Variants in RBFOX1 observed in about 807,000 individuals in gnomAD.
RBFOX1 encodes the protein RNA binding fox-1 homolog 1.
Under a neutral mutation model 57.7 loss-of-function variants are expected in RBFOX1, and 8 were observed. The observed-to-expected ratio is 0.14, with a 90% CI of 0.08 to 0.25. The LOEUF is 0.25. Among genes scored for constraint, RBFOX1 ranks in the 10% least tolerant of loss-of-function variants. RBFOX1 has a pLI of 1.00. For synonymous variants in RBFOX1, 326 were observed against 222.4 expected, an observed-to-expected ratio of 1.47 and a Z score of -4.15; for missense variants, 611 against 548.5, an observed-to-expected ratio of 1.11 and a Z score of -1.14.
rs1040318099 is a variant in RBFOX1, at chr16:7,654,024, G to C, written c.890+77G>C. 5.7e-6 allele frequency: 8 copies of C among 1,410,154 alleles called. No homozygotes were observed. The African/African-American group carries it at 1.0e-4, about 18-fold the overall frequency. 87.4% of individuals were successfully genotyped at this position (1,410,154 alleles called of 1,614,324 possible). A position where few individuals can be genotyped will look rare whatever the true frequency, so the allele number is the denominator to read the frequency against. ...CAGAGGCACGGAGCTGTTTGCGAGC[G>C]CATGATGGTCTTGACTCCCCCTCCG... On this transcript the variant is annotated intron_variant, in intron 12 of 15. Coordinates refer to ENST00000550418, the MANE Select transcript of RBFOX1 (RefSeq NM_018723.4).
chr16:7,313,113 TC>T (rs1401070347), intron 4 of RBFOX1, among the ~76,000 whole-genome samples: 1 of 152,172 alleles, frequency 6.6e-6, no homozygotes, highest in African/African-American at 2.4e-5. Flanking sequence ...TCACTCTTCA[TC>T]CGGGCCACTC....
Position 5,365,879 on chromosome 16 carries a change from T to C in RBFOX1, c.220-101337T>C, listed in dbSNP as rs900362261. The C allele has an allele frequency of 1.2e-5, 6 of 508,346 alleles. No homozygotes were observed. In the Admixed American group the frequency reaches 1.2e-4, roughly 10 times the overall value. 31.5% of individuals were successfully genotyped at this position (508,346 alleles called of 1,614,324 possible). ...GGTGTGAACTCAAGGCTGACAAAGATGATCACTTCAAGGTGGATAATGATG... is the reference window on the plus strand; with the variant it reads ...GGTGTGAACTCAAGGCTGACAAAGACGATCACTTCAAGGTGGATAATGATG... On this transcript the variant is annotated intron_variant, in intron 1 of 2. Coordinates refer to the RBFOX1 transcript ENST00000585867.
intron 2 of RBFOX1, among the ~76,000 whole-genome samples, chr16:6,522,213 A>G (rs575702687): frequency 1.3e-5 from 2 of 149,988 alleles, no homozygotes; most frequent in African/African-American, 2.5e-5. Context: ...AATTAGGATG[A>G]ACATTTTATG....
At chr16:6,640,803 G>A (rs769622858) in intron 2 of RBFOX1, among the ~76,000 whole-genome samples, 58 of 152,002 alleles carry the variant, frequency 3.8e-4, no homozygotes, top group Non-Finnish European at 7.6e-4. Context: ...ACCAGAATAC[G>A]TTCTCTGGGC....
chr16:6,753,211 G>C (rs1057494534), intron 3 of RBFOX1, among the ~76,000 whole-genome samples: 3 of 152,184 alleles, frequency 2.0e-5, no homozygotes, highest in African/African-American at 7.2e-5. Flanking sequence ...GAGAGGGATG[G>C]ACAGATGGAA....
intron 3 of RBFOX1, among the ~76,000 whole-genome samples, chr16:6,824,520 T>A (rs941684732): frequency 6.6e-6 from 1 of 152,174 alleles, no homozygotes. Context: ...TTTTTAAAAA[T>A]TAACATGTTG....
chr16:6,766,262 A>G (rs1039923420), intron 3 of RBFOX1, among the ~76,000 whole-genome samples: 1 of 152,324 alleles, frequency 6.6e-6, no homozygotes, highest in African/African-American at 2.4e-5. Flanking sequence ...GTTTTTATAC[A>G]GCTCTTTATC....
chr16:6,345,596 C>T (rs979849448), intron 2 of RBFOX1, among the ~76,000 whole-genome samples: 1 of 152,162 alleles, frequency 6.6e-6, no homozygotes, highest in African/African-American at 2.4e-5. Context: ...ATCCTTTATA[C>T]TTACTCGGTC....
At chr16:6,933,776 A>G (rs1257214436) in intron 3 of RBFOX1, among the ~76,000 whole-genome samples, 1 of 152,158 alleles carries the variant, frequency 6.6e-6, no homozygotes, top group Non-Finnish European at 1.5e-5. Flanking sequence ...TGGTCAGAAC[A>G]TTTTCCAAAC....
intron 1 of RBFOX1, among the ~76,000 whole-genome samples, chr16:5,436,146 T>C (rs933727286): frequency 2.6e-5 from 4 of 152,186 alleles, no homozygotes; most frequent in Non-Finnish European, 5.9e-5. Context: ...GAGACACCCA[T>C]TGCTCCCTCA....
At chr16:6,613,688 A>C (rs1053566529) in intron 2 of RBFOX1, among the ~76,000 whole-genome samples, 7 of 152,208 alleles carry the variant, frequency 4.6e-5, no homozygotes, top group Non-Finnish European at 1.0e-4. Flanking sequence ...TTTTTAAAAA[A>C]GGTAGATAAG....
upstream of RBFOX1, among the ~76,000 whole-genome samples, chr16:6,016,163 A>G (rs1287601557): frequency 1.3e-5 from 2 of 152,232 alleles, no homozygotes; most frequent in Non-Finnish European, 2.9e-5. Flanking sequence ...TTAGTTTAAT[A>G]GAAGAGAACA....
In RBFOX1 at chr16:5,424,964, CTCTT is replaced by C. The variant is rs1317746840; in HGVS notation, c.220-42238_220-42235del. On this transcript the variant is annotated intron_variant, in intron 1 of 2. Transcript: ENST00000585867. The stretch of plus-strand genomic sequence containing the variant: ...CTCTTCTTTCTTCCTTTGTTTCTTT[CTCTT>C]TCTTTCTTTCTTTTCTTTTCTTTTC... Among the ~76,000 whole-genome samples the C allele has an allele frequency of 3.2e-3, 147 of 46,276 alleles. 8 individuals carry two copies. The highest frequency in any genetic ancestry group is 7.9e-3 in the African/African-American group (80 of 10,120). The allele number at this position is 46,276 out of a possible 152,430, so 30.4% of individuals were successfully genotyped here.
chr16:7,680,453 T>TC (rs2074444482), intron 14 of RBFOX1, among the ~76,000 whole-genome samples: 1 of 152,118 alleles, frequency 6.6e-6, no homozygotes, highest in Non-Finnish European at 1.5e-5. Flanking sequence ...AAAATGTCCC[T>TC]CCACGTCAGG....
chr16:7,700,904 A>G (rs1373775426), intron 14 of RBFOX1, among the ~76,000 whole-genome samples: 1 of 152,112 alleles, frequency 6.6e-6, no homozygotes. Context: ...CCATGGGTAA[A>G]TGGTCTGAGT....
chr16:6,853,071 G>A (rs2094155674), intron 3 of RBFOX1, among the ~76,000 whole-genome samples: 1 of 152,144 alleles, frequency 6.6e-6, no homozygotes, highest in Non-Finnish European at 1.5e-5. Flanking sequence ...AGCCTCTGGT[G>A]TTACCCTTCA....
At chr16:5,689,915 G>A (rs979520261) in intron 3 of RBFOX1, among the ~76,000 whole-genome samples, 1 of 152,166 alleles carries the variant, frequency 6.6e-6, no homozygotes, top group African/African-American at 2.4e-5. Flanking sequence ...AGTCTAGGAA[G>A]GTCTCTCTGA....
chr16:7,142,518 C>G (rs1045850702), intron 4 of RBFOX1, among the ~76,000 whole-genome samples: 1 of 152,160 alleles, frequency 6.6e-6, no homozygotes, highest in Non-Finnish European at 1.5e-5. Flanking sequence ...TGTATGGGCT[C>G]TTCCCTATAC....
chr16:7,171,094 G>C (rs974289755), intron 4 of RBFOX1, among the ~76,000 whole-genome samples: 1 of 152,160 alleles, frequency 6.6e-6, no homozygotes, highest in Non-Finnish European at 1.5e-5. Context: ...CTCCATCCCA[G>C]CTTTCTTCCC....
Sources: allele counts gnomAD v4.1 joint callset (sites outside exome capture counted in the v4.1 genomes callset), GRCh38; gene constraint gnomAD v4.1.1; transcripts MANE v1.5; gene names NCBI Gene and HGNC (gene_info 2026-07-23, HGNC 2026-07-21).